Variants in SLC24A2 observed in about 807,000 individuals in gnomAD.
The protein encoded by SLC24A2 is sodium/potassium/calcium exchanger 2.
A neutral mutation model predicts 62.0 loss-of-function variants in SLC24A2; 36 were observed. That is an observed-to-expected ratio of 0.58 (90% CI 0.44 to 0.77). SLC24A2 has a LOEUF of 0.77. Ranked by LOEUF, SLC24A2 falls within the 30% of genes least tolerant of loss-of-function variation. SLC24A2 has a pLI of 0.00. For missense variants in SLC24A2, 846 were observed against 817.9 expected, an observed-to-expected ratio of 1.03 and a Z score of -0.42; for synonymous variants, 358 against 294.0, an observed-to-expected ratio of 1.22 and a Z score of -2.23.
chr9:19,651,224 A>G lies in SLC24A2; in HGVS notation c.931-28925T>C, dbSNP rs7028743. ...ACGTCAGCATTAATCACATCTAATT[A>G]TAAAGATGCGAATACTTATAATAGT... is the stretch of plus-strand genomic sequence containing the variant. On this transcript the variant is annotated intron_variant, in intron 2 of 10. Transcript: ENST00000341998. 6.0e-3 allele frequency among the ~76,000 whole-genome samples: 918 copies of G among 152,306 alleles called. 13 individuals carry two copies. The highest frequency in any genetic ancestry group is 0.021 in the African/African-American group (879 of 41,558).
the SLC24A2 span, among the ~76,000 whole-genome samples, chr9:20,230,162 C>T: frequency 0.17 from 25,504 of 151,872 alleles, 2,989 homozygotes; most frequent in African/African-American, 0.33. Flanking sequence ...GTTCCAAGTC[C>T]TTCCTAGGGT....
intron 2 of SLC24A2, among the ~76,000 whole-genome samples, chr9:19,641,952 T>A (rs1000621945): frequency 3.3e-5 from 5 of 152,112 alleles, no homozygotes; most frequent in South Asian, 2.1e-4. Flanking sequence ...TTCATTTTTT[T>A]AAATAAAATC....
the SLC24A2 span, among the ~76,000 whole-genome samples, chr9:20,305,099 T>A: frequency 6.7e-6 from 1 of 148,566 alleles, no homozygotes; most frequent in Admixed American, 6.8e-5. Context: ...TTCTACCAAA[T>A]AGGATAATAC....
intron 8 of SLC24A2, among the ~76,000 whole-genome samples, chr9:19,531,630 T>C (rs748311744): frequency 2.0e-5 from 3 of 152,060 alleles, no homozygotes; most frequent in Admixed American, 6.6e-5. Flanking sequence ...CTGATTTAAA[T>C]TCAACAAATA....
At chr9:20,148,089 G>A in the SLC24A2 span, among the ~76,000 whole-genome samples, 6 of 152,042 alleles carry the variant, frequency 3.9e-5, no homozygotes, top group East Asian at 5.8e-4. Flanking sequence ...GCTTTTCCTG[G>A]GTGACCTGGA....
At chr9:19,547,372 C>T (rs981474565) in intron 8 of SLC24A2, among the ~76,000 whole-genome samples, 1 of 152,170 alleles carries the variant, frequency 6.6e-6, no homozygotes, top group Non-Finnish European at 1.5e-5. Context: ...GGACTGGGGA[C>T]AGCTCTGTTT....
chr9:19,980,744 G>A, the SLC24A2 span, among the ~76,000 whole-genome samples: 1 of 152,106 alleles, frequency 6.6e-6, no homozygotes, highest in East Asian at 1.9e-4. Flanking sequence ...GGCTCAAACA[G>A]GATTAAGCAG....
chr9:20,235,718 G>A, the SLC24A2 span, among the ~76,000 whole-genome samples: 6 of 152,224 alleles, frequency 3.9e-5, no homozygotes, highest in South Asian at 2.1e-4. Context: ...GCTCGCACAC[G>A]GTGTACTGCA....
the SLC24A2 span, among the ~76,000 whole-genome samples, chr9:20,033,759 G>C: frequency 5.4e-4 from 82 of 152,278 alleles, 1 homozygote; most frequent in Non-Finnish European, 1.5e-5. Context: ...TTACTTGTGA[G>C]AATTCCCTGC....
chr9:19,910,623 T>C, the SLC24A2 span, among the ~76,000 whole-genome samples: 1 of 152,140 alleles, frequency 6.6e-6, no homozygotes, highest in East Asian at 1.9e-4. Context: ...ATGCTTGGTA[T>C]GTGTATGTAC....
chr9:20,164,364 G>C, the SLC24A2 span, among the ~76,000 whole-genome samples: 3 of 151,766 alleles, frequency 2.0e-5, no homozygotes, highest in African/African-American at 7.3e-5. Flanking sequence ...TTTATGCAGC[G>C]AAAAAAACAC....
the SLC24A2 span, among the ~76,000 whole-genome samples, chr9:19,937,424 TA>T: frequency 2.0e-5 from 3 of 152,376 alleles, no homozygotes; most frequent in East Asian, 5.8e-4. Context: ...GCAACTTAGA[TA>T]AATAATTCCA....
chr9:19,608,778 T>TCA (rs1339058970), intron 4 of SLC24A2, among the ~76,000 whole-genome samples: 18 of 149,660 alleles, frequency 1.2e-4, no homozygotes, highest in African/African-American at 2.0e-4. Flanking sequence ...TCTCTCTCTC[T>TCA]CACACACACA....
At chr9:20,238,149 A>C in the SLC24A2 span, among the ~76,000 whole-genome samples, 1 of 152,150 alleles carries the variant, frequency 6.6e-6, no homozygotes, top group African/African-American at 2.4e-5. Context: ...TTCAGATTCA[A>C]CTACATTTAT....
chr9:19,726,675 G>A (rs1295795527), intron 2 of SLC24A2, among the ~76,000 whole-genome samples: 2 of 152,158 alleles, frequency 1.3e-5, no homozygotes, highest in Non-Finnish European at 2.9e-5. Flanking sequence ...TACTTGTCAT[G>A]CATATGACTC....
chr9:19,990,922 G>GATATATATATGTGTGTATATATATAT, the SLC24A2 span, among the ~76,000 whole-genome samples: 18 of 120,812 alleles, frequency 1.5e-4, no homozygotes, highest in Admixed American at 2.5e-4. Flanking sequence ...GGACTAATAG[G>GATATATATATGTGTGTATATATATAT]ATATATATAT....
At chr9:20,201,245 T>A in the SLC24A2 span, among the ~76,000 whole-genome samples, 1 of 152,246 alleles carries the variant, frequency 6.6e-6, no homozygotes. Context: ...ATGGCTTTAA[T>A]CCCACTGCAT....
At chr9:19,529,125 C>G (rs1444947532) in intron 8 of SLC24A2, among the ~76,000 whole-genome samples, 2 of 152,134 alleles carry the variant, frequency 1.3e-5, no homozygotes, top group African/African-American at 2.4e-5. Context: ...CCTATTATTG[C>G]CAAACACTTT....
chr9:20,005,951 T>C, the SLC24A2 span, among the ~76,000 whole-genome samples: 1 of 151,542 alleles, frequency 6.6e-6, no homozygotes. Context: ...GGTCAGCTGA[T>C]AGCCAGCATA....
Sources: gnomAD v4.1 joint callset for allele counts (sites outside exome capture counted in the v4.1 genomes callset) on GRCh38, gnomAD v4.1.1 for gene constraint, MANE v1.5 for transcripts, NCBI Gene and HGNC (gene_info 2026-07-23, HGNC 2026-07-21) for gene names.